Variants in NXPE4 observed in about 807,000 individuals in gnomAD.
NXPE4 encodes the protein NXPE family member 4.
A neutral mutation model predicts 33.3 loss-of-function variants in NXPE4; 42 were observed. That is an observed-to-expected ratio of 1.26 (90% CI 0.98 to 1.63). The LOEUF is 1.63. Among genes scored for constraint, NXPE4 ranks in the 40% most tolerant of loss-of-function variants. The pLI, the probability that NXPE4 is intolerant of heterozygous loss-of-function variation, is 0.00. For synonymous variants in NXPE4, 253 were observed against 234.9 expected (o/e 1.08, Z -0.71); for missense variants, 709 against 647.6 (o/e 1.09, Z -1.03).
chr11:114,580,730 G>T (rs1949124424), intron 4 of NXPE4, among the ~76,000 whole-genome samples: 1 of 152,118 alleles, frequency 6.6e-6, no homozygotes, highest in Non-Finnish European at 1.5e-5. Flanking sequence ...TGTCTTAAAT[G>T]ACACCATCAA....
the NXPE4 span, among the ~76,000 whole-genome samples, chr11:114,617,163 T>C: frequency 4.8e-5 from 7 of 145,192 alleles, no homozygotes; most frequent in Admixed American, 2.7e-4. Context: ...TGGGTAACCA[T>C]TGTTACCCAG....
In NXPE4 at chr11:114,571,068, A is replaced by G. The variant is rs2135167535; in HGVS notation, c.1505T>C (p.Ile502Thr). The G allele has an allele frequency of 2.5e-6, 4 of 1,613,998 alleles. No individual in the cohort carries two copies. Among genetic ancestry groups the G allele is most frequent in the East Asian group, 2.2e-5 (1 of 44,886 alleles). Reference protein sequence around the residue: ...GYIQYLIIKDIFQDLSVSIID... With the variant: ...GYIQYLIIKDTFQDLSVSIID... Reference sequence around the variant, plus strand: ...GATACTCACACTGAGATCCTGGAAAATGTCCTTTATGATGAGATATTGAAT... The same window carrying G: ...GATACTCACACTGAGATCCTGGAAAGTGTCCTTTATGATGAGATATTGAAT... The change falls in exon 6 of 6, where the codon ATT (isoleucine) becomes ACT (threonine). Residue 502 changes from isoleucine to threonine, a missense_variant. Physicochemically the swap from Ile to Thr is moderately conservative, Grantham distance 89. Coordinates refer to ENST00000375478, the MANE Select transcript of NXPE4 (RefSeq NM_001077639.2).
the NXPE4 span, among the ~76,000 whole-genome samples, chr11:114,663,095 G>A: frequency 6.6e-6 from 1 of 152,146 alleles, no homozygotes; most frequent in Non-Finnish European, 1.5e-5. Flanking sequence ...TACCAGGCCA[G>A]GCATCATTCA....
the NXPE4 span, among the ~76,000 whole-genome samples, chr11:114,623,522 G>A: frequency 2.7e-4 from 41 of 151,814 alleles, no homozygotes; most frequent in African/African-American, 7.7e-4. Context: ...GTATTCCCTC[G>A]TGGATAAACA....
chr11:114,624,380 G>A, the NXPE4 span, among the ~76,000 whole-genome samples: 3,627 of 151,378 alleles, frequency 0.024, 135 homozygotes, highest in African/African-American at 0.081. Context: ...ACTGTTTCCC[G>A]TTCAATGATA....
rs945992162 is a variant in NXPE4, at chr11:114,571,443, C to T, written c.1130G>A (p.Gly377Glu). Residue 377 changes from glycine (G) to glutamate (E), a missense_variant, in exon 6 of 6, where the codon GGA (glycine) becomes GAA (glutamate). Gly to Glu is a moderately conservative substitution (Grantham distance 98). Transcript: ENST00000375478. ...CACAGCAAGCTGGTGTTGCAATTTT[C>T]CAGATTCATGCAGATCCACTGACTT... The part of the protein sequence containing the change: ...TLKSVDLHES[G>E]KLQHQLAVDL... The T allele has an allele frequency of 2.4e-5, 38 of 1,609,778 alleles. No individual in the cohort carries two copies. Among genetic ancestry groups the T allele is most frequent in the Non-Finnish European group, 3.1e-5 (36 of 1,176,750 alleles).
the NXPE4 span, among the ~76,000 whole-genome samples, chr11:114,661,338 G>T: frequency 9.9e-5 from 15 of 152,140 alleles, no homozygotes; most frequent in East Asian, 2.9e-3. Flanking sequence ...CTCTGCAAAG[G>T]TTCTTGAGTC....
chr11:114,651,762 T>A, the NXPE4 span, among the ~76,000 whole-genome samples: 1 of 152,148 alleles, frequency 6.6e-6, no homozygotes, highest in African/African-American at 2.4e-5. Flanking sequence ...TTTTACAGAG[T>A]GCTGATTGGT....
the NXPE4 span, among the ~76,000 whole-genome samples, chr11:114,630,444 T>A: frequency 1.3e-5 from 2 of 151,756 alleles, no homozygotes; most frequent in Non-Finnish European, 2.9e-5. Flanking sequence ...ATTTAATAAA[T>A]GGTGCTGGGA....
the NXPE4 span, among the ~76,000 whole-genome samples, chr11:114,653,597 G>A: frequency 0.019 from 2,737 of 147,314 alleles, 86 homozygotes; most frequent in African/African-American, 0.066. Context: ...GCACGATCTC[G>A]GCTCACTGCA....
Position 114,570,905 on chromosome 11 carries a change from C to A in NXPE4, c.*33G>T, listed in dbSNP as rs1368920566. ...AGTAGACAGTCAATAAATTTTTTTA[C>A]TTAAGTGAATGAATTTCAGACTTTT... On this transcript the variant is annotated 3_prime_UTR_variant, in exon 6 of 6. Coordinates refer to ENST00000375478, the MANE Select transcript of NXPE4 (RefSeq NM_001077639.2). The A allele has an allele frequency of 6.8e-7, 1 of 1,477,670 alleles. No individual in the cohort carries two copies. Among genetic ancestry groups the A allele is most frequent in the Non-Finnish European group, 9.1e-7 (1 of 1,096,022 alleles). 91.5% of individuals were successfully genotyped at this position (1,477,670 alleles called of 1,614,324 possible). A position where few individuals can be genotyped will look rare whatever the true frequency, so the allele number is the denominator to read the frequency against.
chr11:114,589,308 C>G (rs144827705), intron 2 of NXPE4, among the ~76,000 whole-genome samples: 1 of 152,162 alleles, frequency 6.6e-6, no homozygotes, highest in South Asian at 2.1e-4. Context: ...CCCATTACAG[C>G]ACAGGAGGCC....
intron 2 of NXPE4, among the ~76,000 whole-genome samples, chr11:114,592,099 C>T (rs1007837896): frequency 1.3e-5 from 2 of 152,282 alleles, no homozygotes; most frequent in African/African-American, 4.8e-5. Context: ...CAAAAGCCTT[C>T]TGAGATCTGG....
At chr11:114,605,419 T>A in the NXPE4 span, among the ~76,000 whole-genome samples, 2 of 151,756 alleles carry the variant, frequency 1.3e-5, no homozygotes, top group East Asian at 3.9e-4. Context: ...ATAATAAGTA[T>A]TGCCTCGTGC....
chr11:114,650,259 A>G, the NXPE4 span, among the ~76,000 whole-genome samples: 1 of 152,202 alleles, frequency 6.6e-6, no homozygotes, highest in Non-Finnish European at 1.5e-5. Context: ...TATAAAAAGG[A>G]AAGAAGAATC....
the NXPE4 span, among the ~76,000 whole-genome samples, chr11:114,650,778 C>T: frequency 6.6e-6 from 1 of 152,114 alleles, no homozygotes; most frequent in South Asian, 2.1e-4. Flanking sequence ...GGAGCAAGAA[C>T]TCTGGAAAGA....
Position 114,582,524 on chromosome 11 carries a change from G to T in NXPE4, c.594C>A (p.Gly198=). The part of the protein sequence containing the change: ...VSALWSARNQ[G]YDRVIFTGQF... ...GGCCAGTGAAGATCACCCTGTCATA[G>T]CCTTGGTTCCTTGCACTCCAGAGAG... is the stretch of plus-strand genomic sequence containing the variant. The change falls in exon 3 of 6, where the codon GGC becomes GGA. Residue 198 remains glycine (G), a synonymous_variant. Transcript: ENST00000375478. 1 of 1,614,146 alleles carries T rather than the reference G, an allele frequency of 6.2e-7. No homozygotes were observed. The highest frequency in any genetic ancestry group is 2.2e-5 in the East Asian group (1 of 44,874).
the NXPE4 span, among the ~76,000 whole-genome samples, chr11:114,603,001 ATCATATATAATAATTCTC>A: frequency 6.6e-6 from 1 of 151,192 alleles, no homozygotes; most frequent in African/African-American, 2.4e-5. Context: ...TAATTACAGA[ATCATATATAATAATTCTC>A]TCATATATAA....
At chr11:114,586,447 C>A (rs1168479157) in intron 2 of NXPE4, among the ~76,000 whole-genome samples, 2 of 152,150 alleles carry the variant, frequency 1.3e-5, no homozygotes, top group Non-Finnish European at 2.9e-5. Context: ...ATTTAAAAAT[C>A]AAACCAAATA....
Sources: gnomAD v4.1 joint callset for allele counts (sites outside exome capture counted in the v4.1 genomes callset) on GRCh38, gnomAD v4.1.1 for gene constraint, MANE v1.5 for transcripts, NCBI Gene and HGNC (gene_info 2026-07-23, HGNC 2026-07-21) for gene names.